The following AUTS2 variants were observed in gnomAD, a reference collection of about 807,000 sequenced individuals.
AUTS2 encodes activator of transcription and developmental regulator AUTS2, also known as autism susceptibility gene 2 protein.
In AUTS2, 17 loss-of-function variants were observed where a neutral mutation model predicts 112.4. The observed-to-expected ratio is 0.15, with a 90% CI of 0.10 to 0.23. The LOEUF (loss-of-function observed/expected upper bound fraction) is 0.23, where lower values mean the gene tolerates loss of function less well. Among genes scored for constraint, AUTS2 ranks in the 10% least tolerant of loss-of-function variants. The pLI is 1.00. For missense variants in AUTS2, 1,510 were observed against 1,701.6 expected, an observed-to-expected ratio of 0.89 and a Z score of 1.98; for synonymous variants, 751 against 702.7, an observed-to-expected ratio of 1.07 and a Z score of -1.09.
chr7:70,096,596 T>C (rs1228884162), intron 2 of AUTS2, among the ~76,000 whole-genome samples: 1 of 125,134 alleles, frequency 8.0e-6, no homozygotes, highest in Non-Finnish European at 1.6e-5. Context: ...TGAAACTCCA[T>C]CTTAAAAAAA....
At chr7:70,397,672 C>T in intron 4 of AUTS2, among the ~76,000 whole-genome samples, 1 of 151,986 alleles carries the variant, frequency 6.6e-6, no homozygotes, top group East Asian at 1.9e-4. Context: ...CACACACACA[C>T]ACACACACAT....
At chr7:70,440,757 G>A (rs1796092902) in intron 5 of AUTS2, among the ~76,000 whole-genome samples, 1 of 152,200 alleles carries the variant, frequency 6.6e-6, no homozygotes, top group Non-Finnish European at 1.5e-5. Flanking sequence ...AAGAGCACGT[G>A]TACTGTCCTG....
chr7:70,503,947 G>A (rs894041677), intron 5 of AUTS2, among the ~76,000 whole-genome samples: 2 of 151,474 alleles, frequency 1.3e-5, no homozygotes, highest in Admixed American at 6.6e-5. Context: ...TCTCCCCTCC[G>A]CTCAAGATTT....
intron 1 of AUTS2, among the ~76,000 whole-genome samples, chr7:69,729,421 C>G (rs1319310088): frequency 8.5e-6 from 1 of 117,252 alleles, no homozygotes; most frequent in African/African-American, 4.0e-5. Context: ...CCCCCAACAC[C>G]CCCCCCCCCA....
At chr7:70,705,986 G>T (rs1010755813) in intron 6 of AUTS2, among the ~76,000 whole-genome samples, 1 of 152,172 alleles carries the variant, frequency 6.6e-6, no homozygotes, top group Non-Finnish European at 1.5e-5. Context: ...TATGGCTTGG[G>T]GTGAAGGGCC....
At chr7:70,203,905 C>T (rs1200247553) in intron 4 of AUTS2, among the ~76,000 whole-genome samples, 8 of 148,128 alleles carry the variant, frequency 5.4e-5, no homozygotes, top group African/African-American at 1.8e-4. Flanking sequence ...TGCACGTGAT[C>T]GAGAATTATG....
intron 1 of AUTS2, among the ~76,000 whole-genome samples, chr7:69,765,349 T>C (rs527361662): frequency 2.0e-5 from 3 of 152,326 alleles, no homozygotes; most frequent in Admixed American, 2.0e-4. Context: ...CAGAATGTTG[T>C]TAAGAATTCA....
chr7:69,613,105 G>A (rs1468177423), intron 1 of AUTS2, among the ~76,000 whole-genome samples: 3 of 152,176 alleles, frequency 2.0e-5, no homozygotes, highest in Non-Finnish European at 4.4e-5. Context: ...AAATCAACTT[G>A]GCCAGGATCA....
At chr7:70,258,250 G>A (rs1026841097) in intron 4 of AUTS2, among the ~76,000 whole-genome samples, 1 of 152,208 alleles carries the variant, frequency 6.6e-6, no homozygotes, top group Non-Finnish European at 1.5e-5. Context: ...ATGTTGAGCA[G>A]TAACAACTGT....
At chr7:70,519,679 C>T (rs1563012119) in intron 5 of AUTS2, among the ~76,000 whole-genome samples, 1 of 152,156 alleles carries the variant, frequency 6.6e-6, no homozygotes, top group African/African-American at 2.4e-5. Context: ...ATGAATAATA[C>T]AGATTCTGCA....
At chr7:70,086,908 A>G (rs1803636126) in intron 2 of AUTS2, among the ~76,000 whole-genome samples, 1 of 151,614 alleles carries the variant, frequency 6.6e-6, no homozygotes, top group Non-Finnish European at 1.5e-5. Flanking sequence ...GATAATGTCA[A>G]AGAAGAGTAA....
chr7:70,681,692 AG>A, intron 5 of AUTS2, among the ~76,000 whole-genome samples: 1 of 152,210 alleles, frequency 6.6e-6, no homozygotes, highest in East Asian at 1.9e-4. Flanking sequence ...AAGCTGAGGA[AG>A]TGTTAAGTGA....
chr7:69,714,016 C>T (rs1798460593), intron 1 of AUTS2, among the ~76,000 whole-genome samples: 1 of 151,738 alleles, frequency 6.6e-6, no homozygotes, highest in African/African-American at 2.4e-5. Context: ...TTAAGTTTTA[C>T]ATTTAGGTCT....
rs542257307 is a variant in AUTS2, at chr7:70,457,142, C to T, written c.690+21361C>T. The stretch of plus-strand genomic sequence containing the variant: ...CAGTGCTGCTCTAGGTGTGGGGACA[C>T]AGCCTTACGTTCCCTTTCTTCCAGG... On this transcript the variant is annotated intron_variant, in intron 5 of 18. Transcript: ENST00000342771. 2.2e-3 allele frequency among the ~76,000 whole-genome samples: 333 copies of T among 152,334 alleles called. 2 individuals carry two copies. Among genetic ancestry groups the T allele is most frequent in the Middle Eastern group, 0.017 (5 of 294 alleles).
intron 1 of AUTS2, among the ~76,000 whole-genome samples, chr7:69,894,695 G>A (rs920108287): frequency 6.6e-6 from 1 of 151,990 alleles, no homozygotes; most frequent in Non-Finnish European, 1.5e-5. Flanking sequence ...CCCATCTCAG[G>A]TGTTTCTGGT....
intron 4 of AUTS2, among the ~76,000 whole-genome samples, chr7:70,143,155 A>T (rs944048130): frequency 1.3e-5 from 2 of 152,200 alleles, no homozygotes; most frequent in African/African-American, 4.8e-5. Context: ...AAAAAACACA[A>T]CTGGGGCTTG....
intron 6 of AUTS2, among the ~76,000 whole-genome samples, chr7:70,757,807 C>CTTTTTTTTTTTT (rs3974412): frequency 3.3e-5 from 2 of 60,538 alleles, no homozygotes; most frequent in African/African-American, 6.3e-5. Context: ...TCCATGGCTT[C>CTTTTTTTTTTTT]TTTTTTTTTT....
chr7:69,680,321 C>A (rs1796734898), intron 1 of AUTS2, among the ~76,000 whole-genome samples: 3 of 152,202 alleles, frequency 2.0e-5, no homozygotes, highest in Admixed American at 2.0e-4. Context: ...AATATACTGT[C>A]TGATTCAATT....
chr7:70,064,556 A>G (rs1018117298), intron 2 of AUTS2, among the ~76,000 whole-genome samples: 2 of 152,188 alleles, frequency 1.3e-5, no homozygotes, highest in Non-Finnish European at 2.9e-5. Context: ...GCCAAGGTCT[A>G]GGTTTTCTTC....
Sources: allele counts gnomAD v4.1 joint callset (sites outside exome capture counted in the v4.1 genomes callset), GRCh38; gene constraint gnomAD v4.1.1; transcripts MANE v1.5; gene names NCBI Gene and HGNC (gene_info 2026-07-23, HGNC 2026-07-21).